LEO1: variants seen among roughly 807,000 people sequenced by gnomAD.
LEO1 encodes the protein LEO1 component of Paf1/RNA polymerase II complex.
In LEO1, 34 loss-of-function variants were observed where a neutral mutation model predicts 80.4. The ratio of observed to expected loss-of-function variants is 0.42; its 90% CI spans 0.32 to 0.56. The LOEUF is 0.56. Among genes scored for constraint, LEO1 ranks in the 20% least tolerant of loss-of-function variants. The probability of loss-of-function intolerance (pLI) is 0.10; values close to 1 mark genes in which losing one functional copy is unlikely to be tolerated. For missense variants in LEO1, 631 were observed against 814.2 expected, an observed-to-expected ratio of 0.77 and a Z score of 2.74; for synonymous variants, 262 against 274.9, an observed-to-expected ratio of 0.95 and a Z score of 0.46.
At chr15:51,943,004 G>A (rs560623288) in intron 11 of LEO1, among the ~76,000 whole-genome samples, 1 of 151,746 alleles carries the variant, frequency 6.6e-6, no homozygotes, top group South Asian at 2.1e-4. Flanking sequence ...TGTAATCCCA[G>A]CACTTTGGGT....
chr15:51,961,900 G>A (rs572878930), intron 3 of LEO1, among the ~76,000 whole-genome samples: 3 of 151,382 alleles, frequency 2.0e-5, no homozygotes, highest in East Asian at 2.0e-4. Flanking sequence ...AGTGATTCAC[G>A]CCTGTAATCC....
intron 9 of LEO1, 106 bp from the exon 10 acceptor site, chr15:51,950,100 G>T: frequency 1.0e-6 from 1 of 991,708 alleles, no homozygotes; most frequent in Non-Finnish European, 1.5e-6. Context: ...CCAGATAACA[G>T]CTGTGCCGTG....
chr15:51,969,103 C>T (rs1210060592), intron 1 of LEO1, among the ~76,000 whole-genome samples: 2 of 151,824 alleles, frequency 1.3e-5, no homozygotes, highest in Non-Finnish European at 2.9e-5. Context: ...TTTATGGGCG[C>T]ACGCCACCAC....
chr15:51,945,794 G>A (rs928594575), intron 11 of LEO1, among the ~76,000 whole-genome samples: 2 of 152,116 alleles, frequency 1.3e-5, no homozygotes, highest in African/African-American at 2.4e-5. Context: ...CAACACTTCG[G>A]GAGGCTGAGG....
chr15:51,938,688 ACAT>A (rs1227087142), intron 11 of LEO1, among the ~76,000 whole-genome samples: 1 of 152,226 alleles, frequency 6.6e-6, no homozygotes, highest in Non-Finnish European at 1.5e-5. Context: ...TGCATTAAAA[ACAT>A]CATAAAGGTT....
At chr15:51,968,780 G>A (rs1286969880) in intron 1 of LEO1, among the ~76,000 whole-genome samples, 1 of 151,820 alleles carries the variant, frequency 6.6e-6, no homozygotes, top group Non-Finnish European at 1.5e-5. Context: ...TGTAAGCCGA[G>A]ATTGCGCCAC....
Position 51,945,262 on chromosome 15 carries a change from C to CAAAAAAAAAAAAAAAAAAAAA in LEO1, c.1896+2029_1896+2030insTTTTTTTTTTTTTTTTTTTTT, listed in dbSNP as rs71130110. Among the ~76,000 whole-genome samples the CAAAAAAAAAAAAAAAAAAAAA allele has an allele frequency of 6.1e-4, 49 of 80,340 alleles. 1 individual carries two copies. Among genetic ancestry groups the CAAAAAAAAAAAAAAAAAAAAA allele is most frequent in the Non-Finnish European group, 8.1e-4 (35 of 43,314 alleles). The allele number at this position is 80,340 out of a possible 152,430, so 52.7% of individuals were successfully genotyped here. A position where few individuals can be genotyped will look rare whatever the true frequency, so the allele number is the denominator to read the frequency against. ...TGAAACCCCATCTCTACAAAAAATA[C>CAAAAAAAAAAAAAAAAAAAAA]AAAAAAAAAAAAAAAAAGCCTTACA... On this transcript the variant is annotated intron_variant, in intron 11 of 11. Coordinates refer to ENST00000299601, the MANE Select transcript of LEO1 (RefSeq NM_138792.4).
chr15:51,948,226 C>T (rs984703806), intron 10 of LEO1, among the ~76,000 whole-genome samples: 1 of 152,178 alleles, frequency 6.6e-6, no homozygotes, highest in African/African-American at 2.4e-5. Flanking sequence ...CCAAAGCCTT[C>T]CCTTTGTCCC....
intron 1 of LEO1, 151 bp from the exon 2 acceptor site, chr15:51,966,655 A>G: frequency 1.8e-6 from 1 of 561,488 alleles, no homozygotes; most frequent in Non-Finnish European, 3.1e-6. Flanking sequence ...TCACGCCTGT[A>G]ATCCCAGCAC....
intron 11 of LEO1, among the ~76,000 whole-genome samples, chr15:51,939,576 G>A (rs1251200701): frequency 1.3e-5 from 2 of 152,188 alleles, no homozygotes; most frequent in Non-Finnish European, 2.9e-5. Flanking sequence ...AGGGACAAGA[G>A]CCCCTCCTTT....
chr15:51,968,277 T>C (rs2057094239), intron 1 of LEO1, among the ~76,000 whole-genome samples: 1 of 152,148 alleles, frequency 6.6e-6, no homozygotes, highest in African/African-American at 2.4e-5. Flanking sequence ...GTGCGGTGGC[T>C]CATGCCTGTA....
chr15:51,971,590 G>T, intron 1 of LEO1, 98 bp downstream of exon 1: 1 of 1,254,814 alleles, frequency 8.0e-7, no homozygotes, highest in Non-Finnish European at 1.2e-6. Flanking sequence ...TGGAGGAAAC[G>T]CCACCTCTTG....
chr15:51,949,740 T>G, intron 10 of LEO1, 68 bp downstream of exon 10: 1 of 1,352,176 alleles, frequency 7.4e-7, no homozygotes, highest in Non-Finnish European at 1.0e-6. Context: ...GCAGCCGGAT[T>G]ACATCTAATG....
intron 6 of LEO1, among the ~76,000 whole-genome samples, chr15:51,957,770 C>G (rs979298419): frequency 1.5e-4 from 23 of 152,290 alleles, no homozygotes; most frequent in African/African-American, 5.5e-4. Flanking sequence ...CCTGTAATCC[C>G]AGCTCTTTGG....
chr15:51,938,461 A>G (rs1184015651), intron 11 of LEO1, among the ~76,000 whole-genome samples: 1 of 152,258 alleles, frequency 6.6e-6, no homozygotes, highest in Admixed American at 6.5e-5. Context: ...TAGGATGTGC[A>G]GGAAACTGGA....
At chr15:51,940,368 A>C (rs920365708) in intron 11 of LEO1, among the ~76,000 whole-genome samples, 7 of 149,816 alleles carry the variant, frequency 4.7e-5, no homozygotes, top group Non-Finnish European at 1.0e-4. Context: ...AGACCAGCCC[A>C]GCCAACATGG....
intron 1 of LEO1, among the ~76,000 whole-genome samples, chr15:51,968,505 C>A (rs2057096040): frequency 6.6e-6 from 1 of 151,416 alleles, no homozygotes; most frequent in African/African-American, 2.4e-5. Context: ...CGTGCCACTG[C>A]ATGAAAGGGG....
chr15:51,962,180 A>T (rs1476285997), intron 3 of LEO1, among the ~76,000 whole-genome samples: 1 of 151,868 alleles, frequency 6.6e-6, no homozygotes, highest in African/African-American at 2.4e-5. Flanking sequence ...AAAAAAAAAA[A>T]ACTACAAAGA....
chr15:51,971,608 C>T, intron 1 of LEO1, 80 bp downstream of exon 1: 3 of 1,444,770 alleles, frequency 2.1e-6, no homozygotes, highest in East Asian at 2.3e-5. Flanking sequence ...TTGCCCGCGG[C>T]GCTGGAGCCT....
Sources: allele counts gnomAD v4.1 joint callset (sites outside exome capture counted in the v4.1 genomes callset), GRCh38; gene constraint gnomAD v4.1.1; transcripts MANE v1.5; gene names NCBI Gene and HGNC (gene_info 2026-07-23, HGNC 2026-07-21).